The following TFRC variants were observed in gnomAD, a reference collection of about 807,000 sequenced individuals.
TFRC encodes transferrin receptor.
Under a neutral mutation model 85.8 loss-of-function variants are expected in TFRC, and 35 were observed. The observed-to-expected ratio is 0.41, with a 90% CI of 0.31 to 0.54. The LOEUF is 0.54. TFRC is among the 20% of genes least tolerant of loss of function. TFRC has a pLI of 0.31. For missense variants in TFRC, 828 were observed against 921.5 expected (o/e 0.90, Z 1.31); for synonymous variants, 362 against 328.6 (o/e 1.10, Z -1.10).
At chr3:196,074,230 C>A in intron 3 of TFRC, 105 bp from the exon 4 acceptor site, 1 of 1,100,110 alleles carries the variant, frequency 9.1e-7, no homozygotes, top group Non-Finnish European at 1.3e-6. Context: ...TGGTTTTCAT[C>A]AAATTCTAAG....
At chr3:196,065,774 A>G (rs552314074) in intron 9 of TFRC, among the ~76,000 whole-genome samples, 174 bp from the exon 10 acceptor site, 1 of 152,150 alleles carries the variant, frequency 6.6e-6, no homozygotes, top group Admixed American at 6.6e-5. Flanking sequence ...GGTGGATCAC[A>G]AGGTCAGGAG....
At chr3:196,075,088 G>A (rs999136153) in intron 3 of TFRC, 71 bp downstream of exon 3, 46 of 1,089,536 alleles carry the variant, frequency 4.2e-5, no homozygotes, top group Non-Finnish European at 5.8e-5. Flanking sequence ...ATAACTATAT[G>A]CTGAGCTGAC....
At chr3:196,075,515 T>C (rs1018779243) in intron 2 of TFRC, among the ~76,000 whole-genome samples, 155 bp from the exon 3 acceptor site, 18 of 152,128 alleles carry the variant, frequency 1.2e-4, no homozygotes, top group Admixed American at 1.1e-3. Flanking sequence ...CTGGGCCCAG[T>C]CAAGGGCTAG....
At chr3:196,065,303 T>C (rs756521529) in intron 10 of TFRC, 140 bp downstream of exon 10, 110 of 513,074 alleles carry the variant, frequency 2.1e-4, no homozygotes, top group Non-Finnish European at 1.4e-4. Context: ...CAATTAACTT[T>C]AGGACAGACA....
rs1233116717 is a variant in TFRC, at chr3:196,055,570, T to C, written c.1678-269A>G. On this transcript the variant is annotated intron_variant, in intron 16 of 18. Coordinates refer to ENST00000360110, the MANE Select transcript of TFRC (RefSeq NM_001128148.3). ...ATCGTATCATATGCCCTGAATAGAC[T>C]TCTAGCCAAATTCCTTAAGGCTGTA... is the stretch of plus-strand genomic sequence containing the variant. 8 of 506,738 alleles carry C rather than the reference T, an allele frequency of 1.6e-5. No individual in the cohort carries two copies. In the East Asian group the frequency reaches 2.4e-4, roughly 15 times the overall value. 31.4% of individuals were successfully genotyped at this position (506,738 alleles called of 1,614,324 possible).
intron 4 of TFRC, 82 bp downstream of exon 4, chr3:196,073,848 G>A (rs1223592798): frequency 1.4e-6 from 2 of 1,392,644 alleles, no homozygotes; most frequent in East Asian, 2.4e-5. Flanking sequence ...ATTCCCCACA[G>A]TGTCACCATT....
chr3:196,078,563 A>C (rs942115074), intron 1 of TFRC, among the ~76,000 whole-genome samples: 1 of 151,838 alleles, frequency 6.6e-6, no homozygotes, highest in African/African-American at 2.4e-5. Flanking sequence ...AGGCTGAGGC[A>C]GGAGAATCGC....
At chr3:196,064,196 A>C in intron 11 of TFRC, 113 bp downstream of exon 11, 1 of 1,166,186 alleles carries the variant, frequency 8.6e-7, no homozygotes, top group Non-Finnish European at 1.2e-6. Context: ...TTTAAGAACT[A>C]GAGTCTAGCA....
In TFRC at chr3:196,055,822, G is replaced by A. The variant is rs185376876; in HGVS notation, c.1678-521C>T. On this transcript the variant is annotated intron_variant, in intron 16 of 18. Coordinates refer to ENST00000360110, the MANE Select transcript of TFRC (RefSeq NM_001128148.3). ...CAAGGTCTCTGTCACCCAGGCTAGAGTGCAGCGATGCAATCATGACTCCCT... is the reference window on the plus strand; with the variant it reads ...CAAGGTCTCTGTCACCCAGGCTAGAATGCAGCGATGCAATCATGACTCCCT... Among the ~76,000 whole-genome samples the A allele has an allele frequency of 8.0e-4, 121 of 150,472 alleles. 1 individual carries two copies. The highest frequency in any genetic ancestry group is 2.8e-3 in the African/African-American group (116 of 40,732).
At chr3:196,055,828 C>A (rs890429510) in intron 16 of TFRC, among the ~76,000 whole-genome samples, 1 of 136,618 alleles carries the variant, frequency 7.3e-6, no homozygotes, top group Non-Finnish European at 1.5e-5. Context: ...TAGAGTGCAG[C>A]GATGCAATCA....
chr3:196,055,152 C>T lies in TFRC; in HGVS notation c.1827G>A (p.Leu609=), dbSNP rs1716666018. Residue 609 remains leucine, a synonymous_variant, in exon 17 of 19, where the codon CTG becomes CTA. Transcript: ENST00000360110. ...GTTGGCTGTTGTACCTCTCATAGTC[C>T]AGGTTCAATTCAACATCATGGGTTA... The part of the protein sequence containing the change: ...IKLTHDVELN[L]DYERYNSQLL... The T allele has an allele frequency of 6.2e-7, 1 of 1,614,058 alleles. No individual in the cohort carries two copies. The highest frequency in any genetic ancestry group is 1.3e-5 in the African/African-American group (1 of 74,916).
intron 5 of TFRC, among the ~76,000 whole-genome samples, chr3:196,071,766 TG>T (rs1423233202): frequency 2.6e-5 from 4 of 152,248 alleles, no homozygotes; most frequent in Non-Finnish European, 5.9e-5. Context: ...TAGCTGGGCG[TG>T]GTGGCGTGCG....
At chr3:196,053,701 G>T in intron 17 of TFRC, 143 bp from the exon 18 acceptor site, 1 of 930,014 alleles carries the variant, frequency 1.1e-6, no homozygotes. Context: ...ACCTTGCACA[G>T]GGGTTCCAAG....
intron 12 of TFRC, 33 bp from the exon 13 acceptor site, chr3:196,062,678 A>C (rs1441433990): frequency 1.3e-6 from 2 of 1,587,372 alleles, no homozygotes; most frequent in Non-Finnish European, 1.7e-6. Flanking sequence ...AATAAGTATA[A>C]ATCTGTTTAT....
rs768625994 is a variant in TFRC, at chr3:196,052,028, T to C, written c.2197A>G (p.Asn733Asp). The C allele has an allele frequency of 1.2e-6, 2 of 1,614,222 alleles. No homozygotes were observed. Among genetic ancestry groups the C allele is most frequent in the Admixed American group, 3.3e-5 (2 of 60,020 alleles). ...GTCCAAGTAGCTAGAGCCAACTGGT[T>C]TCTGAACAGCGTTTCATTAAAAGCA... is the stretch of plus-strand genomic sequence containing the variant. ...NGAFNETLFR[N>D]QLALATWTIQ... Residue 733 changes from asparagine to aspartate, a missense_variant, in exon 19 of 19, where the codon AAC (asparagine) becomes GAC (aspartate). Transcript: ENST00000360110.
intron 4 of TFRC, among the ~76,000 whole-genome samples, chr3:196,073,186 C>T (rs148841050): frequency 1.2e-3 from 184 of 151,670 alleles, no homozygotes; most frequent in South Asian, 7.7e-3. Flanking sequence ...TGCCACTGCA[C>T]TCCAGCCTGG....
chr3:196,053,664 C>A, intron 17 of TFRC, 106 bp from the exon 18 acceptor site: 1 of 1,415,980 alleles, frequency 7.1e-7, no homozygotes, highest in Non-Finnish European at 9.8e-7. Context: ...AAAAGGAACT[C>A]GCAGATAAGC....
chr3:196,058,213 C>T, intron 16 of TFRC, 71 bp downstream of exon 16: 1 of 1,286,928 alleles, frequency 7.8e-7, no homozygotes, highest in Non-Finnish European at 1.1e-6. Flanking sequence ...TTGCAATGCC[C>T]TATTCCCAAA....
chr3:196,066,468 T>C (rs2300775), intron 9 of TFRC, among the ~76,000 whole-genome samples: 73,052 of 151,968 alleles, frequency 0.48, 19,341 homozygotes, highest in Non-Finnish European at 0.61. Context: ...AAAAAAAATC[T>C]TGTGCTTCCC....
Sources: gnomAD v4.1 joint callset for allele counts (sites outside exome capture counted in the v4.1 genomes callset) on GRCh38, gnomAD v4.1.1 for gene constraint, MANE v1.5 for transcripts, NCBI Gene and HGNC (gene_info 2026-07-23, HGNC 2026-07-21) for gene names.